EFHC1: variants seen among roughly 807,000 people sequenced by gnomAD.
The protein encoded by EFHC1 is EF-hand domain-containing protein 1.
Under a neutral mutation model 69.9 loss-of-function variants are expected in EFHC1, and 53 were observed. The observed-to-expected ratio is 0.76, with a 90% CI of 0.61 to 0.95. EFHC1 has a LOEUF of 0.95. Ranked by LOEUF, EFHC1 falls within the 40% of genes least tolerant of loss-of-function variation. The pLI is 0.00. For synonymous variants in EFHC1, 256 were observed against 278.4 expected, an observed-to-expected ratio of 0.92 and a Z score of 0.80; for missense variants, 739 against 798.7, an observed-to-expected ratio of 0.93 and a Z score of 0.90.
intron 1 of EFHC1, chr6:52,421,071 C>T (rs1415512001): frequency 2.0e-6 from 2 of 990,830 alleles, no homozygotes; most frequent in East Asian, 2.2e-4. Flanking sequence ...TCCGCCAGGT[C>T]TTTTTCCTTT....
At chr6:52,469,258 A>C in intron 6 of EFHC1, 75 bp from the exon 7 acceptor site, 4 of 1,578,908 alleles carry the variant, frequency 2.5e-6, no homozygotes, top group Non-Finnish European at 2.6e-6. Context: ...TTTTTCTTTA[A>C]ACTTATAGTT....
At chr6:52,454,649 A>G (rs558249244) in intron 5 of EFHC1, among the ~76,000 whole-genome samples, 7 of 152,290 alleles carry the variant, frequency 4.6e-5, no homozygotes, top group South Asian at 2.1e-4. Context: ...TTTTCTTTAT[A>G]TGCTTTCCTG....
At chr6:52,469,245 A>G (rs943738841) in intron 6 of EFHC1, 88 bp from the exon 7 acceptor site, 14 of 1,506,960 alleles carry the variant, frequency 9.3e-6, no homozygotes, top group Non-Finnish European at 1.3e-5. Flanking sequence ...TATTTTCTAG[A>G]GTTTTTTCTT....
At chr6:52,475,024 G>C (rs1765516811) in intron 7 of EFHC1, among the ~76,000 whole-genome samples, 1 of 148,246 alleles carries the variant, frequency 6.7e-6, no homozygotes, top group Non-Finnish European at 1.5e-5. Context: ...TTTTTTTGCA[G>C]TTTTCTCTCT....
intron 2 of EFHC1, among the ~76,000 whole-genome samples, chr6:52,426,155 G>A (rs1195177015): frequency 6.6e-6 from 1 of 152,128 alleles, no homozygotes; most frequent in Non-Finnish European, 1.5e-5. Flanking sequence ...ATGCCTTTAA[G>A]CAAGATAACT....
At chr6:52,441,578 A>G (rs1362981520) in intron 3 of EFHC1, among the ~76,000 whole-genome samples, 2 of 152,024 alleles carry the variant, frequency 1.3e-5, no homozygotes, top group Admixed American at 6.6e-5. Context: ...TGCCTTGACT[A>G]TTCAGGCTCT....
intron 7 of EFHC1, among the ~76,000 whole-genome samples, chr6:52,475,965 C>G (rs1032432415): frequency 2.6e-5 from 4 of 152,184 alleles, no homozygotes; most frequent in African/African-American, 9.7e-5. Flanking sequence ...GGGAAAGCCT[C>G]TCTGAGGAGG....
At chr6:52,432,929 C>T (rs563497185) in intron 2 of EFHC1, among the ~76,000 whole-genome samples, 1 of 151,780 alleles carries the variant, frequency 6.6e-6, no homozygotes, top group African/African-American at 2.4e-5. Context: ...ATTAGAAAAC[C>T]TTGTCTTTGA....
intron 2 of EFHC1, among the ~76,000 whole-genome samples, 182 bp from the exon 3 acceptor site, chr6:52,438,122 A>G (rs1416235968): frequency 6.6e-6 from 1 of 152,202 alleles, no homozygotes; most frequent in Non-Finnish European, 1.5e-5. Flanking sequence ...GGCAGGTTAG[A>G]TTTGTCCCAT....
chr6:52,452,005 A>G (rs535240976), intron 3 of EFHC1, among the ~76,000 whole-genome samples: 1 of 152,354 alleles, frequency 6.6e-6, no homozygotes, highest in Admixed American at 6.5e-5. Context: ...GTTTGAAACC[A>G]TGGTTAGGTT....
chr6:52,471,922 T>TA (rs1409704578), intron 7 of EFHC1, among the ~76,000 whole-genome samples: 1 of 151,196 alleles, frequency 6.6e-6, no homozygotes, highest in Non-Finnish European at 1.5e-5. Flanking sequence ...AAAAAATTTT[T>TA]AAAAACCTTT....
chr6:52,452,651 C>T (rs373790688), intron 3 of EFHC1, 37 bp from the exon 4 acceptor site: 2 of 1,610,752 alleles, frequency 1.2e-6, no homozygotes, highest in Non-Finnish European at 1.7e-6. Context: ...TGAAAAGCTC[C>T]AAGAAAGATG....
Position 52,431,420 on chromosome 6 carries a change from G to A in EFHC1, c.286-6884G>A, listed in dbSNP as rs186162414. ...TTGTGTCATTATTGTCATTCAGTTC[G>A]AATGATTGTTTAATTTCCATCTTGA... On this transcript the variant is annotated intron_variant, in intron 2 of 10. Transcript: ENST00000371068. Among the ~76,000 whole-genome samples the A allele has an allele frequency of 7.9e-5, 12 of 152,068 alleles. No homozygotes were observed. In the South Asian group the frequency reaches 1.5e-3, roughly 18 times the overall value.
intron 7 of EFHC1, among the ~76,000 whole-genome samples, chr6:52,471,657 G>A (rs2114014893): frequency 6.6e-6 from 1 of 152,216 alleles, no homozygotes; most frequent in South Asian, 2.1e-4. Flanking sequence ...CTTGAGGTCA[G>A]GAATTTGAGA....
At chr6:52,485,916 A>G (rs1765776055) in intron 9 of EFHC1, 1 of 152,170 alleles carries the variant, frequency 6.6e-6, no homozygotes, top group South Asian at 2.1e-4. Flanking sequence ...TAAGAGATCC[A>G]TTGCCATCCT....
chr6:52,493,365 C>CATATATATAT lies in EFHC1; in HGVS notation c.*1035_*1044dup, dbSNP rs59794069. 4.9e-3 allele frequency: 825 copies of CATATATATAT among 168,560 alleles called. 60 individuals carry two copies. Among genetic ancestry groups the CATATATATAT allele is most frequent in the Non-Finnish European group, 7.2e-3 (633 of 88,150 alleles). 10.4% of individuals were successfully genotyped at this position (168,560 alleles called of 1,614,324 possible). A position where few individuals can be genotyped will look rare whatever the true frequency, so the allele number is the denominator to read the frequency against. On this transcript the variant is annotated 3_prime_UTR_variant, in exon 11 of 11. Coordinates refer to ENST00000371068, the MANE Select transcript of EFHC1 (RefSeq NM_018100.4). ...ATAACTCTCTCTTTCTCTCTCTCTA[C>CATATATATAT]ATATATATATATATATATATTTTAT...
intron 1 of EFHC1, 110 bp from the exon 2 acceptor site, chr6:52,423,836 T>A: frequency 6.5e-7 from 1 of 1,544,830 alleles, no homozygotes; most frequent in South Asian, 1.2e-5. Flanking sequence ...GATGTAAGTT[T>A]TGTGATGCTT....
intron 3 of EFHC1, among the ~76,000 whole-genome samples, chr6:52,447,349 C>G (rs1764809691): frequency 6.6e-6 from 1 of 152,202 alleles, no homozygotes; most frequent in South Asian, 2.1e-4. Flanking sequence ...TCCACTTGAT[C>G]TAATCGGCTA....
intron 10 of EFHC1, 84 bp downstream of exon 10, chr6:52,490,434 A>C: frequency 9.9e-6 from 12 of 1,206,206 alleles, no homozygotes; most frequent in African/African-American, 1.5e-5. Context: ...TGTGTATTTC[A>C]CTACAACTGG....
Sources: allele counts gnomAD v4.1 joint callset (sites outside exome capture counted in the v4.1 genomes callset), GRCh38; gene constraint gnomAD v4.1.1; transcripts MANE v1.5; gene names NCBI Gene and HGNC (gene_info 2026-07-23, HGNC 2026-07-21).